The following SLX4IP variants were observed in gnomAD, a reference collection of about 807,000 sequenced individuals.
SLX4IP encodes SLX4 interacting protein.
Under a neutral mutation model 32.9 loss-of-function variants are expected in SLX4IP, and 34 were observed. The ratio of observed to expected loss-of-function variants is 1.03; its 90% CI spans 0.79 to 1.38. The LOEUF is 1.38. Ranked by LOEUF, SLX4IP falls within the 40% of genes most tolerant of loss-of-function variation. SLX4IP has a pLI of 0.00. For missense variants in SLX4IP, 444 were observed against 479.0 expected (o/e 0.93, Z 0.68); for synonymous variants, 172 against 171.7 (o/e 1.00, Z -0.01).
chr20:10,516,190 G>C (rs762907022), intron 2 of SLX4IP, among the ~76,000 whole-genome samples: 6 of 152,212 alleles, frequency 3.9e-5, no homozygotes, highest in African/African-American at 1.4e-4. Context: ...GCCTGGCCTC[G>C]TGAGGCTATT....
At chr20:10,607,506 C>T (rs1246367329) in intron 6 of SLX4IP, among the ~76,000 whole-genome samples, 1 of 152,204 alleles carries the variant, frequency 6.6e-6, no homozygotes, top group African/African-American at 2.4e-5. Context: ...TGCTTGCCCC[C>T]TCCCAAGGCT....
chr20:10,527,992 C>T (rs571584240), intron 2 of SLX4IP, among the ~76,000 whole-genome samples: 2 of 152,098 alleles, frequency 1.3e-5, no homozygotes, highest in South Asian at 2.1e-4. Context: ...CTCCTGGGAG[C>T]GGGTCACAAA....
chr20:10,462,230 A>G (rs1157010509), intron 2 of SLX4IP, among the ~76,000 whole-genome samples: 1 of 152,202 alleles, frequency 6.6e-6, no homozygotes, highest in Non-Finnish European at 1.5e-5. Flanking sequence ...GAAAAATTGG[A>G]GTTCTAGAAA....
In SLX4IP at chr20:10,602,300, CTCTCTCTGTCTCTCTG is replaced by C. The variant is rs570847139; in HGVS notation, c.405+502_405+517del. ...TCATTTTCTCCCTCTCTCTCTCTCT[CTCTCTCTGTCTCTCTG>C]TCTCTCTGTCTCTCTGTCTCCTTCT... On this transcript the variant is annotated intron_variant, in intron 6 of 7. Coordinates refer to ENST00000334534, the MANE Select transcript of SLX4IP (RefSeq NM_001009608.3). 3.4e-3 allele frequency among the ~76,000 whole-genome samples: 523 copies of C among 151,982 alleles called. 1 individual carries two copies. The highest frequency in any genetic ancestry group is 5.3e-3 in the Non-Finnish European group (358 of 67,956).
At chr20:10,469,938 C>T (rs924147591) in intron 2 of SLX4IP, among the ~76,000 whole-genome samples, 3 of 152,244 alleles carry the variant, frequency 2.0e-5, no homozygotes, top group East Asian at 1.9e-4. Flanking sequence ...CACCAAACAC[C>T]GAGGGAAGAC....
intron 2 of SLX4IP, among the ~76,000 whole-genome samples, chr20:10,486,106 A>G (rs531847343): frequency 1.3e-5 from 2 of 152,252 alleles, no homozygotes; most frequent in Admixed American, 6.5e-5. Context: ...TGTATATTCA[A>G]GAGGGTTTGT....
intron 5 of SLX4IP, among the ~76,000 whole-genome samples, chr20:10,601,288 A>G (rs909263468): frequency 1.3e-5 from 2 of 152,222 alleles, no homozygotes; most frequent in African/African-American, 4.8e-5. Context: ...CTAGCTAACC[A>G]AGGAGATGAT....
At position 10,450,191 on chromosome 20, in the gene SLX4IP, A is replaced by AT. The variant is rs34602295; in HGVS notation, c.-29-7977dup. Among the ~76,000 whole-genome samples, 21 of 151,806 alleles carry AT rather than the reference A, an allele frequency of 1.4e-4. No homozygotes were observed. In the East Asian group the frequency reaches 1.7e-3, roughly 13 times the overall value. On this transcript the variant is annotated intron_variant, in intron 1 of 7. Coordinates refer to ENST00000334534, the MANE Select transcript of SLX4IP (RefSeq NM_001009608.3). Reference sequence around the variant, plus strand: ...TAATTAAAAAATAATTGGATCACACATTTTTTTTACCTGTGATGGTTACTT... The same window carrying AT: ...TAATTAAAAAATAATTGGATCACACATTTTTTTTTACCTGTGATGGTTACTT...
At chr20:10,570,411 C>T (rs1184434664) in intron 4 of SLX4IP, among the ~76,000 whole-genome samples, 1 of 152,184 alleles carries the variant, frequency 6.6e-6, no homozygotes, top group Non-Finnish European at 1.5e-5. Flanking sequence ...CTGGGGAATG[C>T]AGGGGGATCA....
chr20:10,530,681 T>C (rs763770038), intron 2 of SLX4IP, among the ~76,000 whole-genome samples: 2 of 152,240 alleles, frequency 1.3e-5, no homozygotes, highest in Non-Finnish European at 2.9e-5. Context: ...GCATAGGCTT[T>C]AGTATAGAGG....
At chr20:10,479,498 G>A (rs1331178387) in intron 2 of SLX4IP, among the ~76,000 whole-genome samples, 1 of 151,068 alleles carries the variant, frequency 6.6e-6, no homozygotes, top group Non-Finnish European at 1.5e-5. Context: ...GACTACAGGC[G>A]TGCACCACCA....
At chr20:10,454,448 C>A (rs1233232144) in intron 1 of SLX4IP, among the ~76,000 whole-genome samples, 1 of 152,120 alleles carries the variant, frequency 6.6e-6, no homozygotes, top group Non-Finnish European at 1.5e-5. Context: ...TCTCTTTGTT[C>A]AGAAGACTCC....
At chr20:10,509,499 G>C (rs543113519) in intron 2 of SLX4IP, among the ~76,000 whole-genome samples, 1 of 152,104 alleles carries the variant, frequency 6.6e-6, no homozygotes, top group Non-Finnish European at 1.5e-5. Flanking sequence ...GTAGAGGGTC[G>C]CTCTCCTGTA....
chr20:10,487,725 C>T (rs191682459), intron 2 of SLX4IP, among the ~76,000 whole-genome samples: 3 of 152,114 alleles, frequency 2.0e-5, no homozygotes, highest in South Asian at 2.1e-4. Flanking sequence ...CTCGAGAGGG[C>T]GGTCTTGGGC....
intron 6 of SLX4IP, among the ~76,000 whole-genome samples, chr20:10,618,430 G>A (rs552190672): frequency 1.4e-4 from 22 of 152,194 alleles, no homozygotes; most frequent in Non-Finnish European, 2.4e-4. Flanking sequence ...GAGGTAGGGT[G>A]GACATGAGGC....
chr20:10,503,177 T>C (rs2065733391), intron 2 of SLX4IP, among the ~76,000 whole-genome samples: 1 of 152,202 alleles, frequency 6.6e-6, no homozygotes, highest in Non-Finnish European at 1.5e-5. Context: ...TGAATGGGAC[T>C]CTTCTGTATG....
chr20:10,453,990 T>A (rs993332607), intron 1 of SLX4IP, among the ~76,000 whole-genome samples: 6 of 152,198 alleles, frequency 3.9e-5, no homozygotes, highest in Non-Finnish European at 7.3e-5. Flanking sequence ...CTTCTGATAG[T>A]TCTCTTTTTT....
intron 3 of SLX4IP, among the ~76,000 whole-genome samples, chr20:10,558,361 AAC>A (rs1491209777): frequency 1.1e-4 from 13 of 120,066 alleles, no homozygotes; most frequent in South Asian, 5.3e-4. Context: ...AAAAAAAAAA[AAC>A]AATTCGCTGA....
At chr20:10,544,690 T>G (rs2066144267) in intron 2 of SLX4IP, among the ~76,000 whole-genome samples, 1 of 152,176 alleles carries the variant, frequency 6.6e-6, no homozygotes, top group Non-Finnish European at 1.5e-5. Context: ...CTCAGCCTTT[T>G]TTTTTCTTTT....
Sources: gnomAD v4.1 joint callset for allele counts (sites outside exome capture counted in the v4.1 genomes callset) on GRCh38, gnomAD v4.1.1 for gene constraint, MANE v1.5 for transcripts, NCBI Gene and HGNC (gene_info 2026-07-23, HGNC 2026-07-21) for gene names.